Variants in KCTD1 observed in about 807,000 individuals in gnomAD.
The protein encoded by KCTD1 is potassium channel tetramerization domain containing 1.
KCTD1 carries 24 observed loss-of-function variants against 66.0 expected under a neutral mutation model. That is an observed-to-expected ratio of 0.36 (90% CI 0.26 to 0.51). KCTD1 has a LOEUF of 0.51. Ranked by LOEUF, KCTD1 falls within the 20% of genes least tolerant of loss-of-function variation. The pLI is 0.95. For missense variants in KCTD1, 943 were observed against 1,205.2 expected, an observed-to-expected ratio of 0.78 and a Z score of 3.22; for synonymous variants, 511 against 517.2, an observed-to-expected ratio of 0.99 and a Z score of 0.16.
At chr18:26,465,604 G>A (rs912586390) in intron 3 of KCTD1, among the ~76,000 whole-genome samples, 4 of 152,174 alleles carry the variant, frequency 2.6e-5, no homozygotes, top group Non-Finnish European at 2.9e-5. Flanking sequence ...TCCCGTCTAC[G>A]CCCTGCCACT....
At chr18:26,571,940 G>A (rs1986117356) in intron 1 of KCTD1, among the ~76,000 whole-genome samples, 1 of 152,060 alleles carries the variant, frequency 6.6e-6, no homozygotes, top group African/African-American at 2.4e-5. Context: ...AACCCATTGA[G>A]TGAATTTATT....
chr18:26,588,479 G>C (rs1986521782), intron 1 of KCTD1, among the ~76,000 whole-genome samples: 2 of 152,204 alleles, frequency 1.3e-5, no homozygotes, highest in African/African-American at 4.8e-5. Flanking sequence ...GTGGAAAATA[G>C]AGTTTGAATG....
intron 3 of KCTD1, among the ~76,000 whole-genome samples, chr18:26,467,563 C>T (rs1007358656): frequency 3.6e-4 from 55 of 151,006 alleles, no homozygotes; most frequent in African/African-American, 1.3e-3. Flanking sequence ...TGCCTGTTAT[C>T]CCAGCACTTT....
chr18:26,592,706 C>CA (rs1986636208), intron 1 of KCTD1, among the ~76,000 whole-genome samples: 1 of 152,210 alleles, frequency 6.6e-6, no homozygotes, highest in Admixed American at 6.5e-5. Context: ...AGTGCTCCAG[C>CA]TCTGAAAACT....
At chr18:26,593,549 C>CGAGGAG (rs1288982067) in intron 1 of KCTD1, among the ~76,000 whole-genome samples, 1 of 43,908 alleles carries the variant, frequency 2.3e-5, no homozygotes, top group African/African-American at 1.0e-4. Flanking sequence ...AGGAAGAAGA[C>CGAGGAG]GAGGAGGAGG....
chr18:26,614,616 T>A, intron 1 of KCTD1, among the ~76,000 whole-genome samples: 1 of 152,146 alleles, frequency 6.6e-6, no homozygotes, highest in East Asian at 1.9e-4. Flanking sequence ...TTTGTGAAGA[T>A]GTAGCAGGCA....
intron 3 of KCTD1, among the ~76,000 whole-genome samples, chr18:26,467,039 G>A (rs1381466364): frequency 4.6e-5 from 7 of 152,010 alleles, no homozygotes; most frequent in Middle Eastern, 3.4e-3. Context: ...AAAGGTAAAG[G>A]TTATTGTCCA....
intron 1 of KCTD1, among the ~76,000 whole-genome samples, chr18:26,534,077 T>A (rs1052978616): frequency 6.6e-6 from 1 of 152,090 alleles, no homozygotes; most frequent in Non-Finnish European, 1.5e-5. Context: ...AATTTGTATA[T>A]TTTTTTATGA....
chr18:26,489,538 G>A (rs1245537448), intron 2 of KCTD1, among the ~76,000 whole-genome samples: 1 of 150,812 alleles, frequency 6.6e-6, no homozygotes, highest in Non-Finnish European at 1.5e-5. Context: ...CATTGTGCCT[G>A]GCCTGTTTTT....
chr18:26,460,329 G>T (rs1244034359), intron 3 of KCTD1, among the ~76,000 whole-genome samples: 3 of 152,208 alleles, frequency 2.0e-5, no homozygotes, highest in African/African-American at 4.8e-5. Flanking sequence ...GATTGTGTCG[G>T]TGAGAACCCA....
rs543084726 is a variant in KCTD1, at chr18:26,599,302, AG to A, written c.-16+29844del. On this transcript the variant is annotated intron_variant, in intron 1 of 4. Coordinates refer to the KCTD1 transcript ENST00000317932. Reference sequence around the variant, plus strand: ...CCATTGAATTGTTTGGTGCTCTTTTAGAAATTCAATTGACTGGGGGAGAAGC... The same window carrying A: ...CCATTGAATTGTTTGGTGCTCTTTTAAAATTCAATTGACTGGGGGAGAAGC... The A allele has an allele frequency of 1.7e-5, 17 of 1,009,194 alleles. No homozygotes were observed. The African/African-American group carries it at 2.7e-4, about 16-fold the overall frequency. 62.5% of individuals were successfully genotyped at this position (1,009,194 alleles called of 1,614,324 possible). A position where few individuals can be genotyped will look rare whatever the true frequency, so the allele number is the denominator to read the frequency against.
At chr18:26,592,732 C>G (rs150735509) in intron 1 of KCTD1, among the ~76,000 whole-genome samples, 142 of 152,274 alleles carry the variant, frequency 9.3e-4, no homozygotes, top group Non-Finnish European at 6.6e-4. Flanking sequence ...ATTATAATCC[C>G]CTTTGCTCTG....
At chr18:26,552,043 C>G (rs1985586244), upstream of KCTD1, among the ~76,000 whole-genome samples, 2 of 152,140 alleles carry the variant, frequency 1.3e-5, no homozygotes, top group African/African-American at 4.8e-5. Flanking sequence ...TCAGAACTCT[C>G]TAAACTATGG....
intron 1 of KCTD1, among the ~76,000 whole-genome samples, chr18:26,655,449 CACAG>C (rs1568022601): frequency 6.6e-6 from 1 of 151,958 alleles, no homozygotes; most frequent in Admixed American, 6.6e-5. Context: ...CACACACACA[CACAG>C]ACACACACAC....
chr18:26,616,355 T>G (rs1049003733), intron 1 of KCTD1, among the ~76,000 whole-genome samples: 5 of 152,012 alleles, frequency 3.3e-5, no homozygotes, highest in African/African-American at 1.2e-4. Flanking sequence ...GTTTTATATG[T>G]TCCTACCAGA....
intron 2 of KCTD1, among the ~76,000 whole-genome samples, chr18:26,480,150 T>A (rs1230224810): frequency 6.6e-6 from 1 of 151,806 alleles, no homozygotes; most frequent in Non-Finnish European, 1.5e-5. Context: ...CTATTTTAAC[T>A]ATTTTTTTTA....
rs371040829 is a variant in KCTD1 at position 26,526,384 on chromosome 18, C to T, written c.1809+20344G>A. Among the ~76,000 whole-genome samples, 94 of 152,246 alleles carry T rather than the reference C, an allele frequency of 6.2e-4. 1 individual carries two copies. Among genetic ancestry groups the T allele is most frequent in the African/African-American group, 2.0e-3 (85 of 41,538 alleles). On this transcript the variant is annotated intron_variant, in intron 1 of 4. Transcript: ENST00000580059. ...GGAGGCTGTGATCTAGACCCGGATT[C>T]GCACATAGAGGACCTCGTGCCCCTG...
At chr18:26,486,701 G>T (rs4511618) in intron 2 of KCTD1, among the ~76,000 whole-genome samples, 62,979 of 151,910 alleles carry the variant, frequency 0.41, 14,374 homozygotes, top group South Asian at 0.53. Context: ...CCTATTTTTT[G>T]ATTATTTCCC....
chr18:26,599,143 A>G (rs1308944463), intron 1 of KCTD1, among the ~76,000 whole-genome samples: 6 of 152,176 alleles, frequency 3.9e-5, no homozygotes, highest in Non-Finnish European at 4.4e-5. Context: ...AGAATTAGTT[A>G]TGATCTTTTT....
Sources: gnomAD v4.1 joint callset for allele counts (sites outside exome capture counted in the v4.1 genomes callset) on GRCh38, gnomAD v4.1.1 for gene constraint, MANE v1.5 for transcripts, NCBI Gene and HGNC (gene_info 2026-07-23, HGNC 2026-07-21) for gene names.